PCDHGB5: variants seen among roughly 807,000 people sequenced by gnomAD.
The protein encoded by PCDHGB5 is protocadherin gamma subfamily B, 5, also known as protocadherin gamma-B5.
A neutral mutation model predicts 62.9 loss-of-function variants in PCDHGB5; 48 were observed. The ratio of observed to expected loss-of-function variants is 0.76; its 90% CI spans 0.61 to 0.97. The LOEUF is 0.97. PCDHGB5 is among the 50% of genes least tolerant of loss of function. PCDHGB5 has a pLI of 0.00. For missense variants in PCDHGB5, 1,118 were observed against 1,198.6 expected (o/e 0.93, Z 0.99); for synonymous variants, 474 against 511.2 (o/e 0.93, Z 0.98).
rs374140638 is a variant in PCDHGB5 at position 141,487,759 on chromosome 5, C to T, written c.2398-7048C>T. ...TTGTAAGAGGTAACTATGTGGTAGA[C>T]GCTGTGCTTTGTAACTGTTTCGTGA... On this transcript the variant is annotated intron_variant, in intron 1 of 3. Transcript: ENST00000617380. The surrounding 1 kb of genome is among the most constrained non-coding windows in gnomAD (Gnocchi z 5.0). 45 of 1,546,278 alleles carry T rather than the reference C, an allele frequency of 2.9e-5. No individual in the cohort carries two copies. The highest frequency in any genetic ancestry group is 1.1e-4 in the African/African-American group (8 of 73,160).
At chr5:141,459,531 A>G (rs1479666418) in intron 1 of PCDHGB5, among the ~76,000 whole-genome samples, 2 of 152,184 alleles carry the variant, frequency 1.3e-5, no homozygotes, top group Admixed American at 1.3e-4. Context: ...TTTTGTAGGC[A>G]TATTTTTTTT....
In PCDHGB5 at chr5:141,400,299, A is replaced by G. The variant is rs374558900; in HGVS notation, c.2172A>G (p.Gln724=). The G allele has an allele frequency of 9.8e-5, 158 of 1,613,834 alleles. 1 individual carries two copies. In the East Asian group the frequency reaches 1.2e-3, roughly 12 times the overall value. ...SSSPAAWSCF[Q]PGLCVKSGPV... is the part of the protein sequence containing the mutation. ...GCCCTGCCGCCTGGAGCTGCTTCCAACCTGGTCTCTGTGTCAAGTCTGGAC... is the reference window on the plus strand; with the variant it reads ...GCCCTGCCGCCTGGAGCTGCTTCCAGCCTGGTCTCTGTGTCAAGTCTGGAC... Residue 724 remains glutamine, a synonymous_variant, in exon 1 of 4, where the codon CAA becomes CAG. Coordinates refer to ENST00000617380, the MANE Select transcript of PCDHGB5 (RefSeq NM_018925.3).
chr5:141,460,783 T>G (rs1000959104), intron 1 of PCDHGB5, among the ~76,000 whole-genome samples: 1 of 152,030 alleles, frequency 6.6e-6, no homozygotes, highest in Non-Finnish European at 1.5e-5. Flanking sequence ...TGTATACATA[T>G]ATACACACAA....
At position 141,400,533 on chromosome 5, in the gene PCDHGB5, C is replaced by A. The variant is rs1416453682; in HGVS notation, c.2397+9C>A. 6.2e-7 allele frequency: 1 copy of A among 1,613,900 alleles called. No individual in the cohort carries two copies. Among genetic ancestry groups the A allele is most frequent in the Non-Finnish European group, 8.5e-7 (1 of 1,179,796 alleles). ...CTTCCCATCCTGAGTTGGTGAGTTTCATTTATGTCTATTCTTTTTCATTAC... is the reference window on the plus strand; with the variant it reads ...CTTCCCATCCTGAGTTGGTGAGTTTAATTTATGTCTATTCTTTTTCATTAC... On this transcript the variant is annotated intron_variant, in intron 1 of 3. Coordinates refer to ENST00000617380, the MANE Select transcript of PCDHGB5 (RefSeq NM_018925.3).
chr5:141,426,998 A>C (rs981827933), intron 1 of PCDHGB5: 8 of 456,664 alleles, frequency 1.8e-5, no homozygotes, highest in African/African-American at 1.6e-4. Flanking sequence ...ATAATGCCCC[A>C]GTTTTTAGCC....
intron 1 of PCDHGB5, chr5:141,403,227 G>T: frequency 1.9e-6 from 3 of 1,608,966 alleles, no homozygotes; most frequent in Non-Finnish European, 2.6e-6. Context: ...AGGATAGACC[G>T]GGAGGAGCTC....
intron 1 of PCDHGB5, among the ~76,000 whole-genome samples, chr5:141,447,303 C>G (rs1328783075): frequency 6.6e-6 from 1 of 151,990 alleles, no homozygotes; most frequent in Non-Finnish European, 1.5e-5. Context: ...CCACACCCGG[C>G]TAATTTTTGT....
At chr5:141,423,440 C>G in intron 1 of PCDHGB5, 1 of 1,613,970 alleles carries the variant, frequency 6.2e-7, no homozygotes, top group South Asian at 1.1e-5. Context: ...GGTATGCCCA[C>G]GTCACATTTT....
intron 1 of PCDHGB5, chr5:141,410,075 GAGGTGCGCAC>G: frequency 6.2e-7 from 1 of 1,612,898 alleles, no homozygotes; most frequent in East Asian, 2.2e-5. Context: ...GCGCACTGGG[GAGGTGCGCAC>G]GGCTCGAGCC....
At chr5:141,503,089 G>C (rs1352372525) in intron 2 of PCDHGB5, among the ~76,000 whole-genome samples, 2 of 151,590 alleles carry the variant, frequency 1.3e-5, no homozygotes, top group Non-Finnish European at 2.9e-5. Context: ...TCCTGACCTC[G>C]TGGTCTGCCC....
intron 1 of PCDHGB5, among the ~76,000 whole-genome samples, chr5:141,473,542 G>A (rs1444751260): frequency 6.6e-6 from 1 of 152,176 alleles, no homozygotes; most frequent in Non-Finnish European, 1.5e-5. Flanking sequence ...GGGGCCTAAT[G>A]GAAGACCTCT....
At chr5:141,422,209 C>G (rs1463323983) in intron 1 of PCDHGB5, 1 of 1,561,666 alleles carries the variant, frequency 6.4e-7, no homozygotes, top group East Asian at 2.2e-5. Context: ...TGGTGGAGGT[C>G]TCTTTACCAC....
At chr5:141,419,808 G>A in intron 1 of PCDHGB5, 2 of 1,614,066 alleles carry the variant, frequency 1.2e-6, no homozygotes, top group Non-Finnish European at 8.5e-7. Flanking sequence ...AGAGATGGAG[G>A]ACAGCCACCC....
rs112156044 is a variant in PCDHGB5, at chr5:141,476,771, G to A, written c.2398-18036G>A. The A allele has an allele frequency of 6.2e-7, 1 of 1,613,700 alleles. No homozygotes were observed. The highest frequency in any genetic ancestry group is 1.3e-5 in the African/African-American group (1 of 75,036). On this transcript the variant is annotated intron_variant, in intron 1 of 3. Coordinates refer to ENST00000617380, the MANE Select transcript of PCDHGB5 (RefSeq NM_018925.3). The surrounding 1 kb of genome is among the most constrained non-coding windows in gnomAD (Gnocchi z 7.6). ...CCAGTTAGTGCTGACGGCGTTGGAC[G>A]GAGGGACCCCAGCTCTCTCCGCCAG...
chr5:141,433,408 A>ATCTATCT (rs1413347413), intron 1 of PCDHGB5, among the ~76,000 whole-genome samples: 44 of 127,346 alleles, frequency 3.5e-4, no homozygotes, highest in African/African-American at 1.2e-3. Context: ...TCTATCTATT[A>ATCTATCT]CTTTCTTGTA....
intron 1 of PCDHGB5, chr5:141,418,453 G>T (rs2096259626): frequency 1.2e-6 from 2 of 1,614,060 alleles, no homozygotes; most frequent in East Asian, 4.5e-5. Flanking sequence ...TATTGCAGAA[G>T]ACTCTGGACC....
intron 2 of PCDHGB5, among the ~76,000 whole-genome samples, chr5:141,498,795 T>C (rs2099785702): frequency 6.6e-6 from 1 of 152,032 alleles, no homozygotes; most frequent in Admixed American, 6.6e-5. Context: ...TAGCCAGGTG[T>C]GGTGGTGCAC....
chr5:141,446,747 G>A (rs997132200), intron 1 of PCDHGB5, among the ~76,000 whole-genome samples: 10 of 152,190 alleles, frequency 6.6e-5, no homozygotes, highest in African/African-American at 1.4e-4. Context: ...GATTACAGGC[G>A]TGAGCCACCG....
At position 141,409,348 on chromosome 5, in the gene PCDHGB5, C is replaced by T. The variant is rs115471135; in HGVS notation, c.2397+8824C>T. The T allele has an allele frequency of 4.7e-4, 755 of 1,614,018 alleles. 4 individuals carry two copies. The African/African-American group carries it at 8.3e-3, about 18-fold the overall frequency. On this transcript the variant is annotated intron_variant, in intron 1 of 3. Coordinates refer to ENST00000617380, the MANE Select transcript of PCDHGB5 (RefSeq NM_018925.3). Reference sequence around the variant, plus strand: ...TGGATTTCGGAGGAAATGGAGAAGTCAGGTGTAATATAGAAACAGACATTC... The same window carrying T: ...TGGATTTCGGAGGAAATGGAGAAGTTAGGTGTAATATAGAAACAGACATTC...
Sources: gnomAD v4.1 joint callset for allele counts (sites outside exome capture counted in the v4.1 genomes callset) on GRCh38, gnomAD v4.1.1 for gene constraint, Gnocchi (gnomAD v3.1) non-coding constraint, MANE v1.5 for transcripts, NCBI Gene and HGNC (gene_info 2026-07-23, HGNC 2026-07-21) for gene names.